UBTD2: variants seen among roughly 807,000 people sequenced by gnomAD.
The protein encoded by UBTD2 is ubiquitin domain-containing protein 2.
UBTD2 carries 9 observed loss-of-function variants against 19.8 expected under a neutral mutation model. That is an observed-to-expected ratio of 0.46 (90% confidence interval 0.27 to 0.79). The LOEUF is 0.79. Among genes scored for constraint, UBTD2 ranks in the 30% least tolerant of loss-of-function variants. The pLI, the probability that UBTD2 is intolerant of heterozygous loss-of-function variation, is 0.14. For synonymous variants in UBTD2, 98 were observed against 103.9 expected (o/e 0.94, Z 0.35); for missense variants, 250 against 300.4 (o/e 0.83, Z 1.24).
intron 1 of UBTD2, among the ~76,000 whole-genome samples, chr5:172,270,703 G>A (rs1342610234): frequency 6.6e-6 from 1 of 152,080 alleles, no homozygotes; most frequent in African/African-American, 2.4e-5. Flanking sequence ...CACATACTGA[G>A]TATCCCTAAT....
chr5:172,238,657 T>A (rs1772059044), intron 1 of UBTD2, among the ~76,000 whole-genome samples: 1 of 152,222 alleles, frequency 6.6e-6, no homozygotes, highest in African/African-American at 2.4e-5. Flanking sequence ...CACATAATTT[T>A]AAATATTTTT....
At chr5:172,235,105 T>C (rs949198688) in intron 1 of UBTD2, among the ~76,000 whole-genome samples, 2 of 152,072 alleles carry the variant, frequency 1.3e-5, no homozygotes, top group African/African-American at 4.8e-5. Flanking sequence ...TTTAATACAA[T>C]GAAAGTTTTG....
At position 172,211,531 on chromosome 5, in the gene UBTD2, C is replaced by T; in HGVS notation, c.*299G>A. On this transcript the variant is annotated 3_prime_UTR_variant, in exon 3 of 3. Transcript: ENST00000393792. ...AATGTTTCATTTACAGTCCAAGTCA[C>T]TGAAATATAGCCATTACATAGTTGT... The T allele has an allele frequency of 4.0e-6, 1 of 251,292 alleles. No individual in the cohort carries two copies. Among genetic ancestry groups the T allele is most frequent in the Non-Finnish European group, 7.5e-6 (1 of 132,502 alleles). The allele number at this position is 251,292 out of a possible 1,614,324, so 15.6% of individuals were successfully genotyped here.
chr5:172,215,533 T>C (rs6863095), intron 2 of UBTD2, among the ~76,000 whole-genome samples: 50,608 of 151,996 alleles, frequency 0.33, 8,541 homozygotes, highest in South Asian at 0.42. Context: ...CTGTATATTA[T>C]GTCCACCTTT....
At chr5:172,226,855 T>G (rs770650734) in intron 2 of UBTD2, among the ~76,000 whole-genome samples, 8 of 152,244 alleles carry the variant, frequency 5.3e-5, no homozygotes, top group Non-Finnish European at 1.0e-4. Context: ...CCATCAAGAC[T>G]GTGGCATTCA....
At chr5:172,213,071 A>T (rs1771480686) in intron 2 of UBTD2, among the ~76,000 whole-genome samples, 2 of 151,314 alleles carry the variant, frequency 1.3e-5, no homozygotes, top group South Asian at 2.1e-4. Flanking sequence ...GTTTACTGCA[A>T]CCTCCATTTC....
intron 1 of UBTD2, among the ~76,000 whole-genome samples, chr5:172,238,039 C>T (rs952240625): frequency 1.3e-5 from 2 of 152,198 alleles, no homozygotes; most frequent in Non-Finnish European, 2.9e-5. Context: ...GTGCCACAAA[C>T]CTGTATTTCT....
At chr5:172,232,441 A>T (rs1456415833) in intron 2 of UBTD2, among the ~76,000 whole-genome samples, 1 of 152,196 alleles carries the variant, frequency 6.6e-6, no homozygotes, top group Non-Finnish European at 1.5e-5. Context: ...CATTAGTAAC[A>T]GAAGACTATG....
intron 1 of UBTD2, among the ~76,000 whole-genome samples, chr5:172,261,753 T>C (rs557023015): frequency 1.1e-4 from 17 of 152,278 alleles, no homozygotes; most frequent in Non-Finnish European, 2.4e-4. Flanking sequence ...GCCTCCTTAG[T>C]AGCTGGGATT....
intron 1 of UBTD2, among the ~76,000 whole-genome samples, chr5:172,237,258 T>C (rs1772030689): frequency 6.6e-6 from 1 of 152,094 alleles, no homozygotes; most frequent in African/African-American, 2.4e-5. Flanking sequence ...CATGCCCAGC[T>C]AATTTTTGTA....
intron 2 of UBTD2, among the ~76,000 whole-genome samples, chr5:172,218,787 A>T (rs1202178318): frequency 5.2e-4 from 34 of 65,492 alleles, no homozygotes; most frequent in African/African-American, 2.0e-3. Context: ...AAAAAAAAAA[A>T]AATAAAAAAA....
chr5:172,222,588 A>G (rs897422926), intron 2 of UBTD2, among the ~76,000 whole-genome samples: 2 of 152,236 alleles, frequency 1.3e-5, no homozygotes, highest in African/African-American at 4.8e-5. Context: ...AAGTGACTAG[A>G]GTTGGTAGAG....
chr5:172,222,499 C>T (rs916363455), intron 2 of UBTD2, among the ~76,000 whole-genome samples: 21 of 152,184 alleles, frequency 1.4e-4, no homozygotes, highest in African/African-American at 5.1e-4. Flanking sequence ...TGAGCAGATA[C>T]AGCATACCCA....
intron 2 of UBTD2, among the ~76,000 whole-genome samples, chr5:172,223,617 A>AAAAAAAAAAAAAG (rs1561850764): frequency 4.6e-5 from 6 of 129,282 alleles, no homozygotes; most frequent in African/African-American, 1.8e-4. Context: ...AAAAAAAAAA[A>AAAAAAAAAAAAAG]GCACACTTAG....
chr5:172,274,446 T>G (rs1755567073), intron 1 of UBTD2, among the ~76,000 whole-genome samples: 2 of 152,040 alleles, frequency 1.3e-5, no homozygotes, highest in Admixed American at 1.3e-4. Flanking sequence ...GCTGTTTTAC[T>G]CTTTACTATT....
At chr5:172,255,492 C>A in intron 1 of UBTD2, 1 of 347,144 alleles carries the variant, frequency 2.9e-6, no homozygotes, top group South Asian at 2.9e-5. Flanking sequence ...TGGTTAGGGA[C>A]GCCGCCCACG....
intron 2 of UBTD2, among the ~76,000 whole-genome samples, chr5:172,220,630 A>T (rs371154247): frequency 6.6e-6 from 1 of 151,262 alleles, no homozygotes; most frequent in Non-Finnish European, 1.5e-5. Context: ...CCTTTAAAAA[A>T]CAAAAAAACC....
intron 1 of UBTD2, among the ~76,000 whole-genome samples, chr5:172,238,946 T>C (rs759484502): frequency 1.3e-5 from 2 of 152,138 alleles, no homozygotes; most frequent in Non-Finnish European, 2.9e-5. Flanking sequence ...AATGGAGTAT[T>C]AGAACCCTTC....
chr5:172,249,308 A>T (rs1466059018), intron 1 of UBTD2, among the ~76,000 whole-genome samples: 1 of 146,958 alleles, frequency 6.8e-6, no homozygotes, highest in African/African-American at 2.5e-5. Context: ...CTGAGGCAGG[A>T]GAATCGCTTG....
Sources: allele counts gnomAD v4.1 joint callset (sites outside exome capture counted in the v4.1 genomes callset), GRCh38; gene constraint gnomAD v4.1.1; transcripts MANE v1.5; gene names NCBI Gene and HGNC (gene_info 2026-07-23, HGNC 2026-07-21).